Variants in CSMD1 observed in about 807,000 individuals in gnomAD.
CSMD1 encodes CUB and sushi domain-containing protein 1.
Under a neutral mutation model 417.5 loss-of-function variants are expected in CSMD1, and 213 were observed. The observed-to-expected ratio is 0.51, with a 90% CI of 0.46 to 0.57. CSMD1 has a LOEUF of 0.57. Among genes scored for constraint, CSMD1 ranks in the 20% least tolerant of loss-of-function variants. The probability of loss-of-function intolerance (pLI) is 0.00; values close to 1 mark genes in which losing one functional copy is unlikely to be tolerated. For synonymous variants in CSMD1, 2,862 were observed against 1,736.8 expected, an observed-to-expected ratio of 1.65 and a Z score of -16.11; for missense variants, 6,923 against 4,529.7, an observed-to-expected ratio of 1.53 and a Z score of -15.17.
intron 2 of CSMD1, among the ~76,000 whole-genome samples, chr8:4,453,319 A>G (rs1395946327): frequency 6.6e-6 from 1 of 152,096 alleles, no homozygotes. Flanking sequence ...GTCCCCAAGA[A>G]TTCAGACTCC....
At chr8:3,713,045 CA>C (rs1585118820) in intron 6 of CSMD1, among the ~76,000 whole-genome samples, 1 of 152,096 alleles carries the variant, frequency 6.6e-6, no homozygotes, top group East Asian at 1.9e-4. Flanking sequence ...AAAAATTCCC[CA>C]AAAGCAACAA....
At chr8:4,654,991 C>T (rs1475234624) in intron 1 of CSMD1, among the ~76,000 whole-genome samples, 1 of 148,182 alleles carries the variant, frequency 6.7e-6, no homozygotes, top group South Asian at 2.1e-4. Flanking sequence ...AATAACTAAC[C>T]ATTGTTTGAA....
chr8:3,588,336 T>C (rs62473895), intron 8 of CSMD1, among the ~76,000 whole-genome samples: 73,365 of 151,886 alleles, frequency 0.48, 19,070 homozygotes, highest in Non-Finnish European at 0.59. Context: ...CAAAAAGTCA[T>C]AAAGCACCAT....
At chr8:3,610,432 G>T (rs529095433) in intron 8 of CSMD1, among the ~76,000 whole-genome samples, 2 of 151,312 alleles carry the variant, frequency 1.3e-5, no homozygotes, top group African/African-American at 4.9e-5. Flanking sequence ...CTACACAGGA[G>T]ATCGAAGTGG....
chr8:4,075,613 C>A (rs1393570302), intron 3 of CSMD1, among the ~76,000 whole-genome samples: 1 of 152,120 alleles, frequency 6.6e-6, no homozygotes, highest in African/African-American at 2.4e-5. Context: ...CGGAGTTAAT[C>A]TATTATTGTA....
intron 2 of CSMD1, among the ~76,000 whole-genome samples, chr8:4,536,423 A>G (rs534886523): frequency 6.6e-6 from 1 of 152,196 alleles, no homozygotes; most frequent in East Asian, 1.9e-4. Context: ...ATAGGTATGG[A>G]TACTCTCAGC....
chr8:4,917,287 G>A (rs777066105), intron 1 of CSMD1, among the ~76,000 whole-genome samples: 9 of 152,142 alleles, frequency 5.9e-5, no homozygotes, highest in Non-Finnish European at 1.3e-4. Flanking sequence ...CCACCCCCAC[G>A]ATCCAATCAC....
Position 3,449,936 on chromosome 8 carries a change from C to A in CSMD1, c.1561+18776G>T, listed in dbSNP as rs142562018. Among the ~76,000 whole-genome samples the A allele has an allele frequency of 3.0e-4, 46 of 152,322 alleles. No individual in the cohort carries two copies. In the East Asian group the frequency reaches 8.1e-3, roughly 27 times the overall value. On this transcript the variant is annotated intron_variant, in intron 12 of 69. Transcript: ENST00000635120. ...ATTTAAGAAAAACTATTGCTCCAGT[C>A]TTAAGACTCACACAGCTTGCCATAA...
rs567696085 is a variant in CSMD1, at chr8:3,451,076, C to T, written c.1561+17636G>A. ...TTCTCTGATGGCCAGTGATGACGAG[C>T]ATTTTTTCACGTCTCTTTTGGCTGC... is the stretch of plus-strand genomic sequence containing the variant. On this transcript the variant is annotated intron_variant, in intron 12 of 69. Transcript: ENST00000635120. 2.6e-3 allele frequency among the ~76,000 whole-genome samples: 391 copies of T among 152,316 alleles called. 1 individual carries two copies. The highest frequency in any genetic ancestry group is 8.3e-3 in the African/African-American group (344 of 41,568).
chr8:3,790,259 C>A lies in CSMD1; in HGVS notation c.819-36217G>T, dbSNP rs1222319930. 3.9e-5 allele frequency among the ~76,000 whole-genome samples: 6 copies of A among 152,100 alleles called. No homozygotes were observed. In the South Asian group the frequency reaches 1.0e-3, roughly 26 times the overall value. On this transcript the variant is annotated intron_variant, in intron 5 of 69. Transcript: ENST00000635120. ...AGGGAAGAGTGCATTATCAATCAAA[C>A]TGAAACGAAATAACAGAAAACAAGA...
intron 2 of CSMD1, among the ~76,000 whole-genome samples, chr8:4,532,394 C>T (rs975648546): frequency 1.3e-5 from 2 of 151,222 alleles, no homozygotes; most frequent in Non-Finnish European, 2.9e-5. Context: ...AAATCCTGCA[C>T]CCCCATTCAG....
chr8:4,422,052 G>A (rs2128940896), intron 2 of CSMD1, among the ~76,000 whole-genome samples: 1 of 152,118 alleles, frequency 6.6e-6, no homozygotes, highest in East Asian at 1.9e-4. Context: ...AAGACAATAT[G>A]GGTCACTAAC....
chr8:4,396,160 T>C (rs1316273891), intron 3 of CSMD1, among the ~76,000 whole-genome samples: 1 of 152,126 alleles, frequency 6.6e-6, no homozygotes, highest in East Asian at 1.9e-4. Context: ...AGTAATTATT[T>C]GCAAAGCAAG....
chr8:3,174,554 A>G (rs917728231), intron 37 of CSMD1, among the ~76,000 whole-genome samples: 4 of 152,222 alleles, frequency 2.6e-5, no homozygotes, highest in African/African-American at 2.4e-5. Flanking sequence ...TATATTTTCT[A>G]GAAAAATTTT....
At chr8:3,271,571 C>T (rs1373728485) in intron 26 of CSMD1, among the ~76,000 whole-genome samples, 1 of 151,666 alleles carries the variant, frequency 6.6e-6, no homozygotes, top group East Asian at 1.9e-4. Context: ...CCTATTTCTC[C>T]ACATCCTCTC....
intron 26 of CSMD1, among the ~76,000 whole-genome samples, chr8:3,243,364 G>C (rs750549173): frequency 6.6e-6 from 1 of 152,112 alleles, no homozygotes; most frequent in Non-Finnish European, 1.5e-5. Context: ...GGCTTTGTGT[G>C]AGCAATAAAG....
At chr8:3,815,496 T>C (rs572591801) in intron 5 of CSMD1, among the ~76,000 whole-genome samples, 7 of 152,144 alleles carry the variant, frequency 4.6e-5, no homozygotes, top group South Asian at 2.1e-4. Context: ...AACTCAAAAA[T>C]ATGTGTAAGA....
chr8:4,713,141 A>G (rs915004598), intron 1 of CSMD1, among the ~76,000 whole-genome samples: 1 of 152,222 alleles, frequency 6.6e-6, no homozygotes, highest in African/African-American at 2.4e-5. Flanking sequence ...TAGGACCTCT[A>G]TTAAAATGCA....
intron 6 of CSMD1, among the ~76,000 whole-genome samples, chr8:3,750,527 T>G (rs971373078): frequency 1.3e-5 from 2 of 152,182 alleles, no homozygotes; most frequent in Non-Finnish European, 2.9e-5. Context: ...GCAATTTTTG[T>G]TGGCACAAAT....
Sources: allele counts gnomAD v4.1 joint callset (sites outside exome capture counted in the v4.1 genomes callset), GRCh38; gene constraint gnomAD v4.1.1; transcripts MANE v1.5; gene names NCBI Gene and HGNC (gene_info 2026-07-23, HGNC 2026-07-21).